NHERF2: variants seen among roughly 807,000 people sequenced by gnomAD.
NHERF2 encodes Na(+)/H(+) exchange regulatory cofactor NHE-RF2.
the NHERF2 span, among the ~76,000 whole-genome samples, chr16:2,033,802 C>T: frequency 2.6e-5 from 4 of 152,152 alleles, no homozygotes; most frequent in Non-Finnish European, 4.4e-5. Context: ...CCGAGCTCCT[C>T]GGCTCTCTGG....
the NHERF2 span, among the ~76,000 whole-genome samples, chr16:2,030,692 A>G: frequency 6.8e-6 from 1 of 147,246 alleles, no homozygotes; most frequent in Non-Finnish European, 1.5e-5. Context: ...TAATCCCAAC[A>G]CTTCGGGAGG....
chr16:2,030,761 G>A, the NHERF2 span, among the ~76,000 whole-genome samples: 3 of 151,886 alleles, frequency 2.0e-5, no homozygotes, highest in African/African-American at 4.8e-5. Context: ...CTAATGTGGT[G>A]AAACCCCCGT....
the NHERF2 span, among the ~76,000 whole-genome samples, chr16:2,028,739 C>T: frequency 6.6e-6 from 1 of 152,114 alleles, no homozygotes; most frequent in South Asian, 2.1e-4. Context: ...CCTTGTCCAC[C>T]CTCCCCCAGG....
the NHERF2 span, chr16:2,037,647 G>C: frequency 6.3e-7 from 1 of 1,598,264 alleles, no homozygotes; most frequent in Middle Eastern, 1.7e-4. Flanking sequence ...GTTGCTAGAG[G>C]CCTTGGGGTA....
the NHERF2 span, chr16:2,036,865 C>A: frequency 6.2e-7 from 1 of 1,610,432 alleles, no homozygotes; most frequent in Admixed American, 1.7e-5. Flanking sequence ...TCACACCCAC[C>A]GAGGAGCACG....
the NHERF2 span, among the ~76,000 whole-genome samples, chr16:2,030,467 A>G: frequency 6.6e-6 from 1 of 152,132 alleles, no homozygotes; most frequent in Admixed American, 6.5e-5. Flanking sequence ...GAGACCCAGA[A>G]AAGTACAGGG....
the NHERF2 span, chr16:2,036,272 C>G: frequency 2.0e-6 from 3 of 1,530,042 alleles, no homozygotes; most frequent in Middle Eastern, 5.2e-4. Flanking sequence ...GGAGTGGCCT[C>G]TGGAGGCGGG....
chr16:2,038,112 A>G, the NHERF2 span: 1 of 1,156,266 alleles, frequency 8.6e-7, no homozygotes, highest in South Asian at 1.5e-5. Context: ...AATCAGCCCC[A>G]GCCCCGGTGA....
At chr16:2,029,423 G>A in the NHERF2 span, 3 of 657,448 alleles carry the variant, frequency 4.6e-6, no homozygotes, top group South Asian at 3.6e-5. Flanking sequence ...CTGGAGTCCG[G>A]GGGTGGGGGG....
At chr16:2,027,104 G>C in the NHERF2 span, 1 of 1,466,222 alleles carries the variant, frequency 6.8e-7, no homozygotes, top group Non-Finnish European at 9.0e-7. Context: ...GCCGCCGCGG[G>C]CAGTTCATCC....
the NHERF2 span, chr16:2,037,822 C>T: frequency 3.2e-6 from 5 of 1,583,600 alleles, no homozygotes; most frequent in Non-Finnish European, 8.6e-7. Context: ...CGTGCTCACC[C>T]CAGGATGGCA....
chr16:2,036,169 A>G, the NHERF2 span: 1 of 711,014 alleles, frequency 1.4e-6, no homozygotes, highest in Non-Finnish European at 2.3e-6. Flanking sequence ...GCTCTGTCAC[A>G]GGCAGCCTGG....
At chr16:2,033,218 C>T in the NHERF2 span, 6 of 1,494,632 alleles carry the variant, frequency 4.0e-6, no homozygotes, top group Non-Finnish European at 5.3e-6. Flanking sequence ...GACTCAGCCC[C>T]CACGTCCCCA....
chr16:2,028,485 G>T, the NHERF2 span, among the ~76,000 whole-genome samples: 1 of 152,232 alleles, frequency 6.6e-6, no homozygotes, highest in Non-Finnish European at 1.5e-5. Flanking sequence ...GACCATGGTG[G>T]ACTCTCCCCA....
chr16:2,027,077 C>T, the NHERF2 span: 1 of 1,453,106 alleles, frequency 6.9e-7, no homozygotes, highest in Non-Finnish European at 9.1e-7. Context: ...ACGGCTTCCA[C>T]CTGCACGGCG....
the NHERF2 span, chr16:2,027,235 G>GC: frequency 7.9e-7 from 1 of 1,264,738 alleles, no homozygotes; most frequent in African/African-American, 1.6e-5. Flanking sequence ...GCCAGCGCTC[G>GC]CCCCCGGCCC....
At chr16:2,035,391 C>CCCTGG in the NHERF2 span, 17 of 984,310 alleles carry the variant, frequency 1.7e-5, no homozygotes, top group East Asian at 3.4e-4. Flanking sequence ...GCCGCCCCAG[C>CCCTGG]CCTGGCCTGG....
chr16:2,032,054 C>G, the NHERF2 span, among the ~76,000 whole-genome samples: 33 of 148,516 alleles, frequency 2.2e-4, no homozygotes, highest in African/African-American at 7.5e-4. The surrounding 1 kb of genome is among the most constrained non-coding windows in gnomAD (Gnocchi z 4.0). Context: ...GAGTTTCACT[C>G]TGTCGCCCAG....
the NHERF2 span, chr16:2,037,573 C>T: frequency 1.2e-6 from 2 of 1,612,894 alleles, no homozygotes; most frequent in Non-Finnish European, 8.5e-7. Flanking sequence ...CCCGAAGTGA[C>T]CTGCCTGGTT....
Sources: allele counts gnomAD v4.1 joint callset (sites outside exome capture counted in the v4.1 genomes callset), GRCh38; gene constraint gnomAD v4.1.1; non-coding constraint Gnocchi (gnomAD v3.1); transcripts MANE v1.5; gene names NCBI Gene and HGNC (gene_info 2026-07-23, HGNC 2026-07-21).